The following SULT1B1 variants were observed in gnomAD, a reference collection of about 807,000 sequenced individuals.
SULT1B1 encodes sulfotransferase family 1B member 1.
A neutral mutation model predicts 34.6 loss-of-function variants in SULT1B1; 28 were observed. That is an observed-to-expected ratio of 0.81 (90% CI 0.60 to 1.11). The LOEUF (loss-of-function observed/expected upper bound fraction) is 1.11, where lower values mean the gene tolerates loss of function less well. SULT1B1 is among the 50% of genes least tolerant of loss of function. The probability of loss-of-function intolerance (pLI) is 0.00; values close to 1 mark genes in which losing one functional copy is unlikely to be tolerated. For missense variants in SULT1B1, 374 were observed against 352.2 expected, an observed-to-expected ratio of 1.06 and a Z score of -0.50; for synonymous variants, 147 against 110.2, an observed-to-expected ratio of 1.33 and a Z score of -2.09.
intron 4 of SULT1B1, among the ~76,000 whole-genome samples, chr4:69,742,451 C>A (rs1056236666): frequency 1.3e-5 from 2 of 152,102 alleles, no homozygotes; most frequent in Non-Finnish European, 2.9e-5. Context: ...GGTATTAGTT[C>A]TTTTTTTGTA....
chr4:69,730,299 A>T (rs940601912), intron 7 of SULT1B1, among the ~76,000 whole-genome samples: 56 of 152,154 alleles, frequency 3.7e-4, no homozygotes, highest in African/African-American at 1.2e-3. Context: ...AATATTTATC[A>T]TATATTCAAG....
chr4:69,746,367 A>G (rs1398880409), intron 4 of SULT1B1, among the ~76,000 whole-genome samples: 3 of 152,194 alleles, frequency 2.0e-5, no homozygotes, highest in Non-Finnish European at 1.5e-5. Flanking sequence ...TGGTGTCTAT[A>G]TAATCCCATA....
At chr4:69,754,873 C>T in intron 2 of SULT1B1, 75 bp from the exon 3 acceptor site, 1 of 1,511,906 alleles carries the variant, frequency 6.6e-7, no homozygotes, top group Non-Finnish European at 9.0e-7. Flanking sequence ...ATTGGAAACA[C>T]TACCATCTTA....
rs1717676927 is a variant in SULT1B1, at chr4:69,721,959, A to G, written c.*5129T>C. 6.6e-6 allele frequency: 1 copy of G among 152,116 alleles called. No homozygotes were observed. Among genetic ancestry groups the G allele is most frequent in the African/African-American group, 2.4e-5 (1 of 41,456 alleles). The allele number at this position is 152,116 out of a possible 1,614,324, so 9.4% of individuals were successfully genotyped here. Reference sequence around the variant, plus strand: ...ATGATTCAACAGGAGAAATAACGATAAAAGCATTGTTTTAGAAAAATTAAT... The same window carrying G: ...ATGATTCAACAGGAGAAATAACGATGAAAGCATTGTTTTAGAAAAATTAAT... On this transcript the variant is annotated 3_prime_UTR_variant, in exon 8 of 8. Transcript: ENST00000310613.
chr4:69,727,250 A>G lies in SULT1B1; in HGVS notation c.779-50T>C, dbSNP rs755046812. 2.3e-5 allele frequency: 34 copies of G among 1,474,678 alleles called. No homozygotes were observed. In the African/African-American group the frequency reaches 4.0e-4, roughly 17 times the overall value. The allele number at this position is 1,474,678 out of a possible 1,614,324, so 91.3% of individuals were successfully genotyped here. ...GAAAGAATAAAATATTTCCATAAGA[A>G]GAAATCAGTATATACCAAAGGAAAA... On this transcript the variant is annotated intron_variant, in intron 7 of 7. Transcript: ENST00000310613.
At chr4:69,731,896 T>C (rs1447643616) in intron 6 of SULT1B1, among the ~76,000 whole-genome samples, 1 of 152,194 alleles carries the variant, frequency 6.6e-6, no homozygotes, top group Non-Finnish European at 1.5e-5. Flanking sequence ...GATTTGGAAT[T>C]TGAATAACAG....
intron 4 of SULT1B1, among the ~76,000 whole-genome samples, chr4:69,743,906 C>T (rs1718649751): frequency 6.6e-6 from 1 of 152,144 alleles, no homozygotes; most frequent in African/African-American, 2.4e-5. Context: ...TGCAGAAATG[C>T]CTGGGTCAAC....
chr4:69,740,090 T>C (rs753103620), intron 4 of SULT1B1, among the ~76,000 whole-genome samples: 55 of 152,250 alleles, frequency 3.6e-4, no homozygotes, highest in Non-Finnish European at 7.5e-4. Flanking sequence ...CACATTTTCC[T>C]GTCGTCTTCT....
At chr4:69,739,929 A>G (rs1196876825) in intron 4 of SULT1B1, among the ~76,000 whole-genome samples, 2 of 152,168 alleles carry the variant, frequency 1.3e-5, no homozygotes, top group Non-Finnish European at 2.9e-5. Context: ...CCTCTTCTCC[A>G]TCTAAGACCA....
chr4:69,722,026 T>G lies in SULT1B1; in HGVS notation c.*5062A>C, dbSNP rs908627340. On this transcript the variant is annotated 3_prime_UTR_variant, in exon 8 of 8. Coordinates refer to ENST00000310613, the MANE Select transcript of SULT1B1 (RefSeq NM_014465.4). ...TGATTTCAAAGGGTATCAAATGTAT[T>G]TGAATCATAGAAGTGCCACTGTGTG... is the stretch of plus-strand genomic sequence containing the variant. 6.6e-6 allele frequency: 1 copy of G among 152,128 alleles called. No homozygotes were observed. Among genetic ancestry groups the G allele is most frequent in the Admixed American group, 6.6e-5 (1 of 15,238 alleles). The allele number at this position is 152,128 out of a possible 1,614,324, so 9.4% of individuals were successfully genotyped here.
At chr4:69,739,631 C>A (rs1005344980) in intron 4 of SULT1B1, among the ~76,000 whole-genome samples, 1 of 152,160 alleles carries the variant, frequency 6.6e-6, no homozygotes, top group African/African-American at 2.4e-5. Context: ...CTCTGACATG[C>A]CTTGGAGACC....
At position 69,723,336 on chromosome 4, in the gene SULT1B1, A is replaced by G. The variant is rs987782111; in HGVS notation, c.*3752T>C. The G allele has an allele frequency of 3.3e-5, 5 of 152,222 alleles. No homozygotes were observed. The South Asian group carries it at 6.2e-4, about 19-fold the overall frequency. The allele number at this position is 152,222 out of a possible 1,614,324, so 9.4% of individuals were successfully genotyped here. On this transcript the variant is annotated 3_prime_UTR_variant, in exon 8 of 8. Coordinates refer to ENST00000310613, the MANE Select transcript of SULT1B1 (RefSeq NM_014465.4). Reference sequence around the variant, plus strand: ...CAAGAATAAACCAGGAAGAAGTTGAATCTCTGAATAGAAAAATAACATGCT... The same window carrying G: ...CAAGAATAAACCAGGAAGAAGTTGAGTCTCTGAATAGAAAAATAACATGCT...
rs779362138 is a variant in SULT1B1 at position 69,749,786 on chromosome 4, G to A, written c.310C>T (p.Arg104Trp). 29 of 1,613,400 alleles carry A rather than the reference G, an allele frequency of 1.8e-5. No individual in the cohort carries two copies. The highest frequency in any genetic ancestry group is 4.5e-5 in the East Asian group (2 of 44,818). ...IEQLEKNPSP[R>W]IVKTHLPTDL... Reference sequence around the variant, plus strand: ...GTCGGTAGATGTGTTTTCACAATCCGGGGTGATGGATTCTTCTCCAATTGT... The same window carrying A: ...GTCGGTAGATGTGTTTTCACAATCCAGGGTGATGGATTCTTCTCCAATTGT... Residue 104 changes from arginine to tryptophan, a missense_variant, in exon 4 of 8, where the codon CGG becomes TGG. Transcript: ENST00000310613.
chr4:69,749,659 C>T, intron 4 of SULT1B1, 62 bp downstream of exon 4: 3 of 1,170,736 alleles, frequency 2.6e-6, no homozygotes, highest in Non-Finnish European at 3.8e-6. Flanking sequence ...AAAAAATAAA[C>T]TATGTGAGTG....
chr4:69,732,169 C>T (rs965424578), intron 6 of SULT1B1, among the ~76,000 whole-genome samples: 16 of 152,096 alleles, frequency 1.1e-4, no homozygotes, highest in African/African-American at 3.6e-4. Flanking sequence ...GTGGTATGAG[C>T]AAATTAACAT....
intron 3 of SULT1B1, among the ~76,000 whole-genome samples, chr4:69,751,251 T>C (rs1332068992): frequency 3.3e-5 from 5 of 152,222 alleles, no homozygotes; most frequent in African/African-American, 9.6e-5. Flanking sequence ...TTAGATGAAC[T>C]TATGTCTGTT....
At chr4:69,735,898 A>G (rs1718291088) in intron 4 of SULT1B1, among the ~76,000 whole-genome samples, 1 of 152,208 alleles carries the variant, frequency 6.6e-6, no homozygotes, top group East Asian at 1.9e-4. Flanking sequence ...AAATCAGGTG[A>G]GCACTCACAG....
intron 4 of SULT1B1, among the ~76,000 whole-genome samples, chr4:69,736,297 T>C (rs886934167): frequency 6.6e-6 from 1 of 152,168 alleles, no homozygotes; most frequent in African/African-American, 2.4e-5. Flanking sequence ...CTTCTAGACA[T>C]GTTCTAGTGC....
chr4:69,759,890 A>C (rs1719328745), intron 1 of SULT1B1, among the ~76,000 whole-genome samples: 1 of 152,252 alleles, frequency 6.6e-6, no homozygotes, highest in Non-Finnish European at 1.5e-5. Context: ...TTAATGGAAC[A>C]AAAGAGAAAA....
Sources: allele counts gnomAD v4.1 joint callset (sites outside exome capture counted in the v4.1 genomes callset), GRCh38; gene constraint gnomAD v4.1.1; transcripts MANE v1.5; gene names NCBI Gene and HGNC (gene_info 2026-07-23, HGNC 2026-07-21).